Variants in CCSER1 observed in about 807,000 individuals in gnomAD.
The protein encoded by CCSER1 is coiled-coil serine rich protein 1.
A neutral mutation model predicts 82.0 loss-of-function variants in CCSER1; 41 were observed. That is an observed-to-expected ratio of 0.50 (90% confidence interval 0.39 to 0.65). The LOEUF (loss-of-function observed/expected upper bound fraction) is 0.65, where lower values mean the gene tolerates loss of function less well. Among genes scored for constraint, CCSER1 ranks in the 30% least tolerant of loss-of-function variants. The pLI is 0.00. For missense variants in CCSER1, 1,119 were observed against 1,064.2 expected, an observed-to-expected ratio of 1.05 and a Z score of -0.72; for synonymous variants, 414 against 383.9, an observed-to-expected ratio of 1.08 and a Z score of -0.92.
chr4:90,850,804 TG>T (rs1763789217), intron 8 of CCSER1, among the ~76,000 whole-genome samples: 1 of 152,184 alleles, frequency 6.6e-6, no homozygotes, highest in Non-Finnish European at 1.5e-5. Context: ...GTTAAGACTT[TG>T]GGGGACTGTT....
intron 1 of CCSER1, among the ~76,000 whole-genome samples, chr4:90,258,222 A>G (rs1011912802): frequency 1.3e-5 from 2 of 152,188 alleles, no homozygotes; most frequent in African/African-American, 2.4e-5. Context: ...TTACTCATTT[A>G]AAAAAATATC....
intron 9 of CCSER1, among the ~76,000 whole-genome samples, chr4:90,931,417 A>G (rs2150286619): frequency 6.6e-6 from 1 of 152,252 alleles, no homozygotes; most frequent in Admixed American, 6.5e-5. Flanking sequence ...CCATTTTATT[A>G]TACTTGGTAC....
chr4:90,651,846 A>AG (rs1728809187), intron 6 of CCSER1, among the ~76,000 whole-genome samples: 1 of 152,032 alleles, frequency 6.6e-6, no homozygotes. Context: ...CCTAAGCTTG[A>AG]GATTATTTAG....
intron 3 of CCSER1, among the ~76,000 whole-genome samples, chr4:90,353,824 C>T (rs1335607409): frequency 6.6e-6 from 1 of 152,112 alleles, no homozygotes; most frequent in African/African-American, 2.4e-5. Flanking sequence ...CGGAGGAACC[C>T]CACCAGAACA....
intron 1 of CCSER1, among the ~76,000 whole-genome samples, chr4:90,307,779 G>A (rs898094172): frequency 6.6e-6 from 1 of 152,088 alleles, no homozygotes; most frequent in African/African-American, 2.4e-5. Flanking sequence ...TTGTTGAGTC[G>A]TGTGGTGTAA....
chr4:91,485,572 A>G (rs1343746383), intron 10 of CCSER1, among the ~76,000 whole-genome samples: 1 of 152,036 alleles, frequency 6.6e-6, no homozygotes, highest in Non-Finnish European at 1.5e-5. Context: ...ACTCACTTGT[A>G]CTCTTCTTGC....
At chr4:91,115,993 T>C (rs1269948969) in intron 10 of CCSER1, among the ~76,000 whole-genome samples, 1 of 151,912 alleles carries the variant, frequency 6.6e-6, no homozygotes, top group Non-Finnish European at 1.5e-5. Flanking sequence ...CTCCTAATGC[T>C]ATCCCTCCCC....
At chr4:91,333,916 A>G (rs1315946471) in intron 10 of CCSER1, among the ~76,000 whole-genome samples, 1 of 152,048 alleles carries the variant, frequency 6.6e-6, no homozygotes. Context: ...AAACAGATTA[A>G]CAGTCTCTCA....
At chr4:91,180,638 C>G (rs1733931362) in intron 10 of CCSER1, among the ~76,000 whole-genome samples, 1 of 152,118 alleles carries the variant, frequency 6.6e-6, no homozygotes, top group African/African-American at 2.4e-5. Context: ...CCTGGTGTGC[C>G]ATTTGCTAAG....
intron 10 of CCSER1, among the ~76,000 whole-genome samples, chr4:91,176,831 C>T (rs1374038248): frequency 6.6e-6 from 1 of 152,128 alleles, no homozygotes; most frequent in African/African-American, 2.4e-5. Context: ...TGCCTGATTG[C>T]CCTGGCCAGA....
At chr4:91,115,806 C>CTTTTT (rs527629667) in intron 10 of CCSER1, among the ~76,000 whole-genome samples, 6 of 101,560 alleles carry the variant, frequency 5.9e-5, no homozygotes, top group African/African-American at 1.5e-4. Context: ...CTAGCTTTTT[C>CTTTTT]TTTTTTTTTT....
chr4:90,475,072 GC>G (rs1764875796), intron 5 of CCSER1, among the ~76,000 whole-genome samples: 1 of 151,816 alleles, frequency 6.6e-6, no homozygotes, highest in Non-Finnish European at 1.5e-5. Context: ...ACACATAAAT[GC>G]ACTTTGCATA....
At chr4:91,572,175 T>C (rs546290681) in intron 10 of CCSER1, among the ~76,000 whole-genome samples, 25 of 152,178 alleles carry the variant, frequency 1.6e-4, no homozygotes, top group African/African-American at 6.0e-4. Context: ...CACTTTTTTG[T>C]AGGACTGTTG....
intron 9 of CCSER1, among the ~76,000 whole-genome samples, chr4:90,993,696 G>A (rs1452878060): frequency 1.3e-5 from 2 of 151,968 alleles, no homozygotes; most frequent in African/African-American, 2.4e-5. Flanking sequence ...CCTTGTGGCT[G>A]AGAAATCATC....
chr4:91,180,789 C>A (rs1733944735), intron 10 of CCSER1, among the ~76,000 whole-genome samples: 1 of 152,206 alleles, frequency 6.6e-6, no homozygotes, highest in Non-Finnish European at 1.5e-5. Flanking sequence ...AGGGGTCTCA[C>A]AACCTTCAGA....
chr4:90,524,238 T>A (rs1007230044), intron 5 of CCSER1, among the ~76,000 whole-genome samples: 1 of 152,194 alleles, frequency 6.6e-6, no homozygotes, highest in African/African-American at 2.4e-5. Context: ...GGCTTAGTTG[T>A]CGGGAACAAC....
chr4:90,308,455 T>G lies in CCSER1; in HGVS notation c.171T>G (p.Gly57=). ...SSTNSSSGST[G]KRRSIFRTPS... is the part of the protein sequence containing the mutation. ...CTAACTCAAGCTCAGGTAGCACAGG[T>G]AAACGGAGGAGCATATTCCGTACTC... is the stretch of plus-strand genomic sequence containing the variant. The change falls in exon 2 of 11, where the codon GGT becomes GGG. Residue 57 remains glycine, a synonymous_variant. Coordinates refer to ENST00000509176, the MANE Select transcript of CCSER1 (RefSeq NM_001145065.2). 1.9e-6 allele frequency: 3 copies of G among 1,613,858 alleles called. No homozygotes were observed. The highest frequency in any genetic ancestry group is 2.5e-6 in the Non-Finnish European group (3 of 1,179,818).
intron 1 of CCSER1, among the ~76,000 whole-genome samples, chr4:90,275,660 T>C (rs1174274409): frequency 6.6e-6 from 1 of 152,168 alleles, no homozygotes; most frequent in Non-Finnish European, 1.5e-5. Flanking sequence ...TGTATATTCA[T>C]GAAGCAGATC....
intron 3 of CCSER1, among the ~76,000 whole-genome samples, chr4:90,338,631 A>C (rs1196385818): frequency 6.6e-6 from 1 of 152,214 alleles, no homozygotes; most frequent in East Asian, 1.9e-4. Flanking sequence ...GCTTAATTGA[A>C]TTGACTGCTT....
Sources: allele counts gnomAD v4.1 joint callset (sites outside exome capture counted in the v4.1 genomes callset), GRCh38; gene constraint gnomAD v4.1.1; transcripts MANE v1.5; gene names NCBI Gene and HGNC (gene_info 2026-07-23, HGNC 2026-07-21).